Variants in PSPC1 observed in about 807,000 individuals in gnomAD.
PSPC1 encodes the protein paraspeckle component 1.
Under a neutral mutation model 51.6 loss-of-function variants are expected in PSPC1, and 14 were observed. The ratio of observed to expected loss-of-function variants is 0.27; its 90% confidence interval spans 0.18 to 0.42. The LOEUF (loss-of-function observed/expected upper bound fraction) is 0.42. Ranked by LOEUF, PSPC1 falls within the 10% of genes least tolerant of loss-of-function variation. The pLI, the probability that PSPC1 is intolerant of heterozygous loss-of-function variation, is 1.00. For synonymous variants in PSPC1, 193 were observed against 231.9 expected (o/e 0.83, Z 1.53); for missense variants, 406 against 701.1 (o/e 0.58, Z 4.75).
chr13:19,731,608 C>A (rs987596163), intron 5 of PSPC1, among the ~76,000 whole-genome samples: 2 of 152,164 alleles, frequency 1.3e-5, no homozygotes, highest in African/African-American at 4.8e-5. Flanking sequence ...GAGACAGGGT[C>A]TTGCCATGTT....
chr13:19,775,701 TA>T lies in PSPC1; in HGVS notation c.373-3159del, dbSNP rs1889045334. On this transcript the variant is annotated intron_variant, in intron 1 of 8. Transcript: ENST00000338910. ...AAAAAGAGATGGGTACTTTCTTACC[TA>T]ATACATCATATAATCCAACAACTCT... 5.3e-5 allele frequency among the ~76,000 whole-genome samples: 8 copies of T among 152,302 alleles called. 1 individual carries two copies. Among genetic ancestry groups the T allele is most frequent in the African/African-American group, 1.9e-4 (8 of 41,578 alleles).
intron 5 of PSPC1, among the ~76,000 whole-genome samples, chr13:19,733,513 C>T (rs1477675191): frequency 6.6e-6 from 1 of 152,054 alleles, no homozygotes; most frequent in East Asian, 1.9e-4. Flanking sequence ...GTAATCCTAG[C>T]ACTCTGGGAG....
Position 19,718,600 on chromosome 13 carries a change from T to TA in PSPC1, c.1159-9002dup, listed in dbSNP as rs561295482. ...TTTCTGATAAAATTAAACATACTCT[T>TA]ACCATCTGATACAGCAATATCACTC... On this transcript the variant is annotated intron_variant, in intron 6 of 8. Transcript: ENST00000338910. Among the ~76,000 whole-genome samples the TA allele has an allele frequency of 6.9e-4, 105 of 152,188 alleles. 1 individual carries two copies. The highest frequency in any genetic ancestry group is 2.5e-3 in the African/African-American group (104 of 41,498).
At chr13:19,674,247 T>TGTC (rs1208076157), downstream of PSPC1, among the ~76,000 whole-genome samples, 1 of 151,388 alleles carries the variant, frequency 6.6e-6, no homozygotes, top group Non-Finnish European at 1.5e-5. Context: ...CACGTCCTTT[T>TGTC]GTCTGTTCTG....
intron 2 of PSPC1, among the ~76,000 whole-genome samples, chr13:19,767,001 C>T (rs1888139582): frequency 6.6e-6 from 1 of 151,172 alleles, no homozygotes; most frequent in Non-Finnish European, 1.5e-5. Context: ...TGACAAAATC[C>T]ACCTCTACAA....
chr13:19,693,835 T>C (rs1878851933), intron 6 of PSPC1, among the ~76,000 whole-genome samples: 1 of 151,990 alleles, frequency 6.6e-6, no homozygotes, highest in African/African-American at 2.4e-5. Context: ...AATATATACT[T>C]AAACTTGGCC....
chr13:19,782,323 C>T lies in PSPC1; in HGVS notation c.372+63G>A. The T allele has an allele frequency of 1.3e-6, 2 of 1,517,118 alleles. No homozygotes were observed. Among genetic ancestry groups the T allele is most frequent in the Non-Finnish European group, 1.8e-6 (2 of 1,135,722 alleles). The allele number at this position is 1,517,118 out of a possible 1,614,324, so 94.0% of individuals were successfully genotyped here. On this transcript the variant is annotated intron_variant, in intron 1 of 8. Transcript: ENST00000338910. This position sits in a 1 kb window ranked among gnomAD's most constrained non-coding sequence, Gnocchi z 4.5. ...GTCCTAGGACGAGGCTGGCCTCAGC[C>T]CCACGACCCCGCGGCCACCCCGACA...
intron 1 of PSPC1, among the ~76,000 whole-genome samples, chr13:19,776,299 T>C (rs1441129874): frequency 6.6e-6 from 1 of 151,862 alleles, no homozygotes; most frequent in Admixed American, 6.6e-5. Context: ...ACCTTGTCTC[T>C]ACAAAAAATA....
intron 3 of PSPC1, among the ~76,000 whole-genome samples, chr13:19,752,284 G>A (rs1473311649): frequency 6.6e-6 from 1 of 152,022 alleles, no homozygotes; most frequent in Non-Finnish European, 1.5e-5. Context: ...CATCAAATGT[G>A]GCTGTTAAAT....
At chr13:19,692,019 G>C (rs943173041) in intron 6 of PSPC1, among the ~76,000 whole-genome samples, 20 of 152,160 alleles carry the variant, frequency 1.3e-4, no homozygotes, top group African/African-American at 4.6e-4. Context: ...TGGAAAGGCG[G>C]ACCAAATCAG....
chr13:19,677,685 A>G, intron 7 of PSPC1: 3 of 425,132 alleles, frequency 7.1e-6, no homozygotes, highest in Non-Finnish European at 4.6e-6. Context: ...ACGAATACTC[A>G]AGGATCTGTT....
At chr13:19,761,954 T>C (rs1887636442) in intron 2 of PSPC1, among the ~76,000 whole-genome samples, 1 of 152,096 alleles carries the variant, frequency 6.6e-6, no homozygotes, top group Non-Finnish European at 1.5e-5. Context: ...AAAAATGAAC[T>C]AAGCAGATGA....
chr13:19,763,790 T>A (rs907491328), intron 2 of PSPC1, among the ~76,000 whole-genome samples: 1 of 152,068 alleles, frequency 6.6e-6, no homozygotes, highest in African/African-American at 2.4e-5. Context: ...CACCTGAAGT[T>A]AGGAGTTTGA....
intron 4 of PSPC1, among the ~76,000 whole-genome samples, chr13:19,743,491 A>G (rs924389068): frequency 1.4e-4 from 20 of 145,084 alleles, no homozygotes; most frequent in African/African-American, 4.4e-4. Flanking sequence ...GCAAAAAAAA[A>G]GGATTCAGAC....
intron 6 of PSPC1, among the ~76,000 whole-genome samples, chr13:19,682,915 TAAATTAG>T: frequency 6.7e-6 from 1 of 149,468 alleles, no homozygotes; most frequent in African/African-American, 2.5e-5. Context: ...AAAAAAAAAA[TAAATTAG>T]CCAGATGCAG....
At chr13:19,730,641 C>G (rs1566001640) in intron 5 of PSPC1, among the ~76,000 whole-genome samples, 1 of 151,972 alleles carries the variant, frequency 6.6e-6, no homozygotes, top group African/African-American at 2.4e-5. Flanking sequence ...AAAGCTGAAA[C>G]ATGTACTCTC....
intron 4 of PSPC1, among the ~76,000 whole-genome samples, chr13:19,750,485 A>G (rs1448283534): frequency 6.6e-6 from 1 of 151,386 alleles, no homozygotes; most frequent in East Asian, 1.9e-4. Flanking sequence ...TACACTTACC[A>G]ATTACTAACT....
At chr13:19,715,958 G>A (rs991325550) in intron 6 of PSPC1, among the ~76,000 whole-genome samples, 2 of 151,962 alleles carry the variant, frequency 1.3e-5, no homozygotes, top group African/African-American at 4.8e-5. Context: ...AGCTTGCAGT[G>A]AGCCAAGATC....
chr13:19,715,563 CA>C, intron 6 of PSPC1, among the ~76,000 whole-genome samples: 1 of 152,244 alleles, frequency 6.6e-6, no homozygotes, highest in Admixed American at 6.5e-5. Context: ...GGGTCTAAGT[CA>C]AAATGTAGGC....
Sources: allele counts gnomAD v4.1 joint callset (sites outside exome capture counted in the v4.1 genomes callset), GRCh38; gene constraint gnomAD v4.1.1; non-coding constraint Gnocchi (gnomAD v3.1); transcripts MANE v1.5; gene names NCBI Gene and HGNC (gene_info 2026-07-23, HGNC 2026-07-21).